The following HLF variants were observed in gnomAD, a reference collection of about 807,000 sequenced individuals.
HLF encodes the protein HLF transcription factor, PAR bZIP family member.
HLF carries 3 observed loss-of-function variants against 22.6 expected under a neutral mutation model. The observed-to-expected ratio is 0.13, with a 90% CI of 0.06 to 0.34. HLF has a LOEUF of 0.34. Among genes scored for constraint, HLF ranks in the 10% least tolerant of loss-of-function variants. The probability of loss-of-function intolerance (pLI) is 1.00; values close to 1 mark genes in which losing one functional copy is unlikely to be tolerated. For synonymous variants in HLF, 151 were observed against 151.8 expected, an observed-to-expected ratio of 0.99 and a Z score of 0.04; for missense variants, 299 against 389.2, an observed-to-expected ratio of 0.77 and a Z score of 1.95.
intron 2 of HLF, chr17:55,283,584 G>T (rs1429040483): frequency 6.6e-6 from 1 of 152,238 alleles, no homozygotes; most frequent in Non-Finnish European, 1.5e-5. Flanking sequence ...CTCTCTGAAG[G>T]AGGCTTATTC....
intron 2 of HLF, chr17:55,272,594 G>C (rs200230396): frequency 1.2e-4 from 19 of 152,168 alleles, no homozygotes; most frequent in Non-Finnish European, 2.5e-4. Context: ...GAGCGGGGGT[G>C]GGGGAGAACC....
At chr17:55,278,167 T>C (rs2080923408) in intron 2 of HLF, among the ~76,000 whole-genome samples, 1 of 152,224 alleles carries the variant, frequency 6.6e-6, no homozygotes, top group African/African-American at 2.4e-5. Flanking sequence ...TAAACCCTGT[T>C]GCCTCTCAAA....
In HLF at chr17:55,265,043, C is replaced by T. The variant is rs539467182; in HGVS notation, c.-442C>T. On this transcript the variant is annotated 5_prime_UTR_variant, in exon 1 of 4. Coordinates refer to ENST00000226067, the MANE Select transcript of HLF (RefSeq NM_002126.5). The stretch of plus-strand genomic sequence containing the variant: ...GCCGCGGAGCGCTGGGGAGCAGCGG[C>T]CGCCGGCGCGGGGAGGGGGGTGGGG... 1.7e-5 allele frequency: 3 copies of T among 179,156 alleles called. No homozygotes were observed. Among genetic ancestry groups the T allele is most frequent in the South Asian group, 4.0e-4 (2 of 4,996 alleles). The allele number at this position is 179,156 out of a possible 1,614,324, so 11.1% of individuals were successfully genotyped here.
chr17:55,267,544 A>C (rs2080804103), intron 1 of HLF: 1 of 516,852 alleles, frequency 1.9e-6, no homozygotes. Flanking sequence ...CTTCTTTCCA[A>C]AGTAAATAGG....
intron 2 of HLF, among the ~76,000 whole-genome samples, chr17:55,302,598 T>C (rs1187272298): frequency 1.3e-5 from 2 of 152,166 alleles, no homozygotes; most frequent in African/African-American, 2.4e-5. Context: ...TCAGCGAATA[T>C]TGTCGCTGAT....
chr17:55,324,553 C>T lies in HLF; in HGVS notation c.*3674C>T. 8.6e-6 allele frequency: 2 copies of T among 232,426 alleles called. No individual in the cohort carries two copies. Among genetic ancestry groups the T allele is most frequent in the Non-Finnish European group, 1.7e-5 (2 of 117,534 alleles). 14.4% of individuals were successfully genotyped at this position (232,426 alleles called of 1,614,324 possible). On this transcript the variant is annotated 3_prime_UTR_variant, in exon 4 of 4. Coordinates refer to ENST00000226067, the MANE Select transcript of HLF (RefSeq NM_002126.5). ...AGGCCTGCTTGCCTATGTGTGATGG[C>T]AATTGGAGATCTGGATTTAGCACTG...
chr17:55,270,912 A>T (rs113933777), intron 2 of HLF, among the ~76,000 whole-genome samples: 4 of 151,772 alleles, frequency 2.6e-5, no homozygotes, highest in Non-Finnish European at 4.4e-5. Context: ...AAAGTGCTGG[A>T]ATTACAGGCG....
intron 2 of HLF, among the ~76,000 whole-genome samples, chr17:55,307,080 C>T (rs532944758): frequency 4.0e-5 from 6 of 150,050 alleles, no homozygotes; most frequent in Non-Finnish European, 8.9e-5. Flanking sequence ...TTTTCCTCAT[C>T]CCATTTCCTC....
At chr17:55,292,506 G>T (rs2081072989) in intron 2 of HLF, among the ~76,000 whole-genome samples, 1 of 152,058 alleles carries the variant, frequency 6.6e-6, no homozygotes, top group South Asian at 2.1e-4. Context: ...ACACTTAATA[G>T]ATTACAGTAT....
At chr17:55,267,692 G>C in intron 1 of HLF, 59 bp from the exon 2 acceptor site, 1 of 1,181,906 alleles carries the variant, frequency 8.5e-7, no homozygotes, top group Non-Finnish European at 1.2e-6. Flanking sequence ...TGATAAAAGA[G>C]CGGTATTGTT....
chr17:55,299,806 C>A (rs185830727), intron 2 of HLF, among the ~76,000 whole-genome samples: 116 of 151,876 alleles, frequency 7.6e-4, no homozygotes, highest in African/African-American at 2.4e-3. Context: ...TTTGAACTCC[C>A]AGTCATATTG....
intron 2 of HLF, among the ~76,000 whole-genome samples, 172 bp from the exon 3 acceptor site, chr17:55,315,055 A>G (rs1234695503): frequency 6.6e-6 from 1 of 152,248 alleles, no homozygotes. Context: ...GTCAAGTCAT[A>G]CTCAACCTGC....
chr17:55,310,353 G>GA (rs1221146352), intron 2 of HLF, among the ~76,000 whole-genome samples: 6 of 152,076 alleles, frequency 3.9e-5, no homozygotes, highest in Admixed American at 2.6e-4. Context: ...AAATACAGGA[G>GA]AAAAAATGGC....
chr17:55,277,235 ATGTGTATGTGTGTGTGTGTG>A (rs1478680508), intron 2 of HLF, among the ~76,000 whole-genome samples: 2 of 19,152 alleles, frequency 1.0e-4, no homozygotes, highest in African/African-American at 2.3e-4. Context: ...ACCAGATGTT[ATGTGTATGTGTGTGTGTGTG>A]TGTGTGTGTG....
At position 55,269,104 on chromosome 17, in the gene HLF, G is replaced by A. The variant is rs2080826420; in HGVS notation, c.451+1018G>A. Among the ~76,000 whole-genome samples the A allele has an allele frequency of 2.0e-5, 3 of 152,192 alleles. No homozygotes were observed. The South Asian group carries it at 6.2e-4, about 31-fold the overall frequency. On this transcript the variant is annotated intron_variant, in intron 2 of 3. Transcript: ENST00000226067. ...GAAACTTGTGCTAGAGATTGTTACT[G>A]AACTCCGTGTCCTCGACTCTTGTAG...
intron 2 of HLF, among the ~76,000 whole-genome samples, chr17:55,308,715 C>G (rs536798610): frequency 1.3e-5 from 2 of 152,184 alleles, no homozygotes; most frequent in African/African-American, 4.8e-5. Flanking sequence ...AAACACTCTC[C>G]CCCTATGCAA....
At chr17:55,318,263 C>T (rs1377795604) in intron 3 of HLF, among the ~76,000 whole-genome samples, 3 of 152,160 alleles carry the variant, frequency 2.0e-5, no homozygotes, top group South Asian at 2.1e-4. Flanking sequence ...CAAAGGGAGG[C>T]GAGCAGGCTT....
chr17:55,293,305 G>A (rs902542671), intron 2 of HLF, among the ~76,000 whole-genome samples: 1 of 152,096 alleles, frequency 6.6e-6, no homozygotes, highest in Non-Finnish European at 1.5e-5. Flanking sequence ...AGGGGATGCC[G>A]GTGGAACGAC....
intron 2 of HLF, among the ~76,000 whole-genome samples, chr17:55,307,207 G>T (rs946040173): frequency 7.4e-6 from 1 of 135,252 alleles, no homozygotes; most frequent in African/African-American, 2.8e-5. Flanking sequence ...AGGCTGGAGT[G>T]CAGTGGCGCA....
Sources: gnomAD v4.1 joint callset for allele counts (sites outside exome capture counted in the v4.1 genomes callset) on GRCh38, gnomAD v4.1.1 for gene constraint, MANE v1.5 for transcripts, NCBI Gene and HGNC (gene_info 2026-07-23, HGNC 2026-07-21) for gene names.